MYBPC1: variants seen among roughly 807,000 people sequenced by gnomAD.
MYBPC1 encodes myosin binding protein C1.
MYBPC1 carries 52 observed loss-of-function variants against 147.1 expected under a neutral mutation model. The observed-to-expected ratio is 0.35, with a 90% confidence interval of 0.28 to 0.45. The LOEUF is 0.45. Among genes scored for constraint, MYBPC1 ranks in the 20% least tolerant of loss-of-function variants. The pLI is 1.00. For synonymous variants in MYBPC1, 477 were observed against 475.9 expected (o/e 1.00, Z -0.03); for missense variants, 1,228 against 1,440.3 (o/e 0.85, Z 2.39).
downstream of MYBPC1, among the ~76,000 whole-genome samples, chr12:101,688,278 G>C (rs1361485694): frequency 6.6e-6 from 1 of 152,104 alleles, no homozygotes; most frequent in Non-Finnish European, 1.5e-5. Context: ...AATTAGTTGG[G>C]CGTGGTGGCA....
At chr12:101,609,873 C>T (rs188110178) in intron 1 of MYBPC1, among the ~76,000 whole-genome samples, 5 of 152,302 alleles carry the variant, frequency 3.3e-5, no homozygotes, top group Admixed American at 2.0e-4. Flanking sequence ...TGCAAGGATG[C>T]TCCTGCCTAT....
At chr12:101,616,281 A>G (rs1886036679) in intron 2 of MYBPC1, among the ~76,000 whole-genome samples, 1 of 152,192 alleles carries the variant, frequency 6.6e-6, no homozygotes, top group Non-Finnish European at 1.5e-5. Flanking sequence ...CTTGCCCATA[A>G]CAAATGTACT....
Position 101,685,629 on chromosome 12 carries a change from A to G in MYBPC1, c.*67A>G, listed in dbSNP as rs1256608379. The G allele has an allele frequency of 1.3e-6, 2 of 1,534,998 alleles. No homozygotes were observed. The highest frequency in any genetic ancestry group is 1.7e-6 in the Non-Finnish European group (2 of 1,146,144). On this transcript the variant is annotated 3_prime_UTR_variant, in exon 32 of 32. Transcript: ENST00000361466. Reference sequence around the variant, plus strand: ...CCTCTTGCAAGGCGTACCTCCAAACATAATTGATTCGTATCTGCGAGACTT... The same window carrying G: ...CCTCTTGCAAGGCGTACCTCCAAACGTAATTGATTCGTATCTGCGAGACTT...
At chr12:101,662,931 G>A (rs1470827108) in intron 21 of MYBPC1, among the ~76,000 whole-genome samples, 3 of 151,996 alleles carry the variant, frequency 2.0e-5, no homozygotes, top group East Asian at 1.9e-4. Flanking sequence ...AATTGAGATC[G>A]GTTCAACAGG....
chr12:101,659,928 T>TTATCTTTCTTCCTTATC, intron 19 of MYBPC1, 97 bp downstream of exon 19: 9 of 1,455,680 alleles, frequency 6.2e-6, no homozygotes, highest in Non-Finnish European at 8.6e-6. Context: ...ATTTCCTTCC[T>TTATCTTTCTTCCTTATC]TTGTCTTTCC....
At position 101,641,988 on chromosome 12, in the gene MYBPC1, A is replaced by T. The variant is rs549126709; in HGVS notation, c.666-431A>T. Among the ~76,000 whole-genome samples the T allele has an allele frequency of 6.6e-5, 10 of 152,316 alleles. No homozygotes were observed. In the East Asian group the frequency reaches 1.2e-3, roughly 18 times the overall value. On this transcript the variant is annotated intron_variant, in intron 10 of 31. Transcript: ENST00000361466. ...GTGTACATCAAAGAAAATAGAGATC[A>T]TTTTTATTTCATAGGCCAAATCTAA... is the stretch of plus-strand genomic sequence containing the variant.
chr12:101,651,453 C>G, intron 16 of MYBPC1, 60 bp downstream of exon 16: 1 of 1,595,480 alleles, frequency 6.3e-7, no homozygotes, highest in South Asian at 1.1e-5. Context: ...TCTCCATTTT[C>G]TAAATTACAT....
At chr12:101,659,127 C>T (rs1202864469) in intron 18 of MYBPC1, among the ~76,000 whole-genome samples, 1 of 152,188 alleles carries the variant, frequency 6.6e-6, no homozygotes, top group Non-Finnish European at 1.5e-5. Flanking sequence ...GATGTGCATT[C>T]TTTTATGTTT....
intron 9 of MYBPC1, among the ~76,000 whole-genome samples, chr12:101,636,155 T>G (rs1466715333): frequency 6.6e-6 from 1 of 152,218 alleles, no homozygotes; most frequent in Non-Finnish European, 1.5e-5. Context: ...TTTTGCCATG[T>G]TAGTATCACA....
intron 3 of MYBPC1, among the ~76,000 whole-genome samples, 196 bp from the exon 4 acceptor site, chr12:101,626,676 T>TTCTA (rs1283234862): frequency 2.0e-5 from 3 of 152,202 alleles, no homozygotes; most frequent in Non-Finnish European, 4.4e-5. Context: ...TCTGTCAACT[T>TTCTA]TTTATTTATT....
intron 9 of MYBPC1, among the ~76,000 whole-genome samples, chr12:101,635,228 T>G (rs1174784377): frequency 2.0e-5 from 3 of 152,208 alleles, no homozygotes; most frequent in Non-Finnish European, 4.4e-5. Flanking sequence ...ATTTTTGGTC[T>G]CTGAGAAATA....
intron 18 of MYBPC1, among the ~76,000 whole-genome samples, chr12:101,657,418 T>G (rs762646374): frequency 6.6e-6 from 1 of 152,190 alleles, no homozygotes; most frequent in Non-Finnish European, 1.5e-5. Flanking sequence ...CAAAAGCTGG[T>G]TCTTTGTAAA....
At chr12:101,666,867 A>G (rs1565988969) in intron 22 of MYBPC1, 1 of 1,270,264 alleles carries the variant, frequency 7.9e-7, no homozygotes, top group Non-Finnish European at 1.1e-6. Flanking sequence ...TTGAATGACC[A>G]AGCATGAAGA....
downstream of MYBPC1, among the ~76,000 whole-genome samples, chr12:101,688,927 C>G (rs1951383169): frequency 1.4e-5 from 2 of 139,234 alleles, no homozygotes. Flanking sequence ...CACTCCCAGC[C>G]TGGACAACAG....
At chr12:101,601,099 A>C (rs1039752313) in intron 1 of MYBPC1, among the ~76,000 whole-genome samples, 1 of 152,240 alleles carries the variant, frequency 6.6e-6, no homozygotes, top group Non-Finnish European at 1.5e-5. Context: ...CTGTTTATTC[A>C]TGAGGGGTTT....
chr12:101,595,380 G>T (rs1876801345), intron 1 of MYBPC1, among the ~76,000 whole-genome samples: 1 of 152,086 alleles, frequency 6.6e-6, no homozygotes, highest in Admixed American at 6.5e-5. Flanking sequence ...GTAATTTAAG[G>T]ATGTTAATTG....
intron 12 of MYBPC1, among the ~76,000 whole-genome samples, chr12:101,645,426 A>C (rs1026550939): frequency 1.3e-5 from 2 of 152,174 alleles, no homozygotes; most frequent in East Asian, 3.8e-4. Context: ...CTTTACAGAG[A>C]TCCTCCTCAG....
chr12:101,649,234 C>A, intron 14 of MYBPC1, 26 bp from the exon 15 acceptor site: 1 of 1,603,548 alleles, frequency 6.2e-7, no homozygotes, highest in South Asian at 1.1e-5. Flanking sequence ...TTTTACAAAC[C>A]TTTTTAATAT....
chr12:101,655,051 A>G (rs1462834076), intron 18 of MYBPC1, among the ~76,000 whole-genome samples: 1 of 152,234 alleles, frequency 6.6e-6, no homozygotes, highest in African/African-American at 2.4e-5. Context: ...AGAAATAAGC[A>G]GGAAAACACA....
Sources: gnomAD v4.1 joint callset for allele counts (sites outside exome capture counted in the v4.1 genomes callset) on GRCh38, gnomAD v4.1.1 for gene constraint, MANE v1.5 for transcripts, NCBI Gene and HGNC (gene_info 2026-07-23, HGNC 2026-07-21) for gene names.